Variants in ACTR3B observed in about 807,000 individuals in gnomAD.
The protein encoded by ACTR3B is actin-related protein 3B.
ACTR3B carries 8 observed loss-of-function variants against 59.0 expected under a neutral mutation model. That is an observed-to-expected ratio of 0.14 (90% CI 0.08 to 0.24). The LOEUF (loss-of-function observed/expected upper bound fraction) is 0.24. Ranked by LOEUF, ACTR3B falls within the 10% of genes least tolerant of loss-of-function variation. The probability of loss-of-function intolerance (pLI) is 1.00; values close to 1 mark genes in which losing one functional copy is unlikely to be tolerated. For missense variants in ACTR3B, 245 were observed against 552.3 expected, an observed-to-expected ratio of 0.44 and a Z score of 5.58; for synonymous variants, 148 against 197.9, an observed-to-expected ratio of 0.75 and a Z score of 2.12.
At position 152,853,508 on chromosome 7, in the gene ACTR3B, G is replaced by A; in HGVS notation, c.1092G>A (p.Glu364=). ...TTCTCTTCCAGCCGAAGCCTGTGGA[G>A]GTCCAGGTGGTCACGCATCACATGC... ...SGGRIKPKPV[E]VQVVTHHMQR... The change falls in exon 11 of 12, where the codon GAG becomes GAA. Residue 364 remains glutamate (E), a synonymous_variant. Transcript: ENST00000256001. 10 of 1,613,998 alleles carry A rather than the reference G, an allele frequency of 6.2e-6. No individual in the cohort carries two copies. The highest frequency in any genetic ancestry group is 8.5e-6 in the Non-Finnish European group (10 of 1,179,960).
Position 152,828,197 on chromosome 7 carries a change from T to C in ACTR3B, c.951+3075T>C, listed in dbSNP as rs187846949. On this transcript the variant is annotated intron_variant, in intron 9 of 11. Coordinates refer to ENST00000256001, the MANE Select transcript of ACTR3B (RefSeq NM_020445.6). ...CTGCGGACCCTCTTCAGGCGGGGCA[T>C]GTTGAGGCGTGGCCTTTGCTAGTTC... 2.8e-3 allele frequency among the ~76,000 whole-genome samples: 433 copies of C among 152,218 alleles called. 2 individuals carry two copies. The highest frequency in any genetic ancestry group is 9.5e-3 in the African/African-American group (393 of 41,506).
At chr7:152,825,424 G>T (rs1796491764) in intron 9 of ACTR3B, among the ~76,000 whole-genome samples, 1 of 152,056 alleles carries the variant, frequency 6.6e-6, no homozygotes, top group South Asian at 2.1e-4. Context: ...CAATTCTCCT[G>T]CCTCAGCCTC....
At chr7:152,848,952 A>T (rs930072960) in intron 9 of ACTR3B, among the ~76,000 whole-genome samples, 2 of 152,164 alleles carry the variant, frequency 1.3e-5, no homozygotes, top group African/African-American at 4.8e-5. Flanking sequence ...ATTATTCATG[A>T]TGCTGATCCT....
At chr7:152,829,440 CAG>C (rs1202761906) in intron 9 of ACTR3B, among the ~76,000 whole-genome samples, 1 of 152,212 alleles carries the variant, frequency 6.6e-6, no homozygotes, top group African/African-American at 2.4e-5. Context: ...ACAAGCAAAA[CAG>C]TTTTTTTAGA....
At chr7:152,843,967 A>G (rs1220208859) in intron 9 of ACTR3B, among the ~76,000 whole-genome samples, 2 of 152,242 alleles carry the variant, frequency 1.3e-5, no homozygotes, top group Non-Finnish European at 2.9e-5. Context: ...CATGCAAACG[A>G]TAAATAAAAA....
rs1279711713 is a variant in ACTR3B, at chr7:152,824,665, T to C, written c.859-365T>C. ...TACTAATTTTCTCATAATACGAATA[T>C]TGTCAAATGATATGTCAAAGTCATG... On this transcript the variant is annotated intron_variant, in intron 8 of 11. Coordinates refer to ENST00000256001, the MANE Select transcript of ACTR3B (RefSeq NM_020445.6). This position sits in a 1 kb window ranked among gnomAD's most constrained non-coding sequence, Gnocchi z 4.2. Among the ~76,000 whole-genome samples, 1 of 152,244 alleles carries C rather than the reference T, an allele frequency of 6.6e-6. No individual in the cohort carries two copies. The highest frequency in any genetic ancestry group is 2.4e-5 in the African/African-American group (1 of 41,468).
intron 1 of ACTR3B, among the ~76,000 whole-genome samples, chr7:152,761,993 C>G (rs1191241464): frequency 1.3e-5 from 2 of 152,110 alleles, no homozygotes; most frequent in Non-Finnish European, 2.9e-5. Flanking sequence ...CATCAGAAAT[C>G]AAGAGAAATA....
chr7:152,803,138 T>A (rs2098242002), intron 4 of ACTR3B, among the ~76,000 whole-genome samples: 1 of 152,238 alleles, frequency 6.6e-6, no homozygotes, highest in Admixed American at 6.5e-5. Context: ...CCTCGGACTC[T>A]GGGCTCAGTT....
chr7:152,763,668 C>T (rs1260414545), intron 1 of ACTR3B, among the ~76,000 whole-genome samples: 1 of 152,176 alleles, frequency 6.6e-6, no homozygotes, highest in Non-Finnish European at 1.5e-5. Context: ...AAGCAATCCA[C>T]CCGCCTTGGC....
chr7:152,845,601 G>A (rs1010710848), intron 9 of ACTR3B, among the ~76,000 whole-genome samples: 8 of 152,228 alleles, frequency 5.3e-5, no homozygotes, highest in East Asian at 1.9e-4. Context: ...TTTGGCCTCC[G>A]CCTGTTGCTG....
Position 152,824,906 on chromosome 7 carries a change from C to A in ACTR3B, c.859-124C>A. 1 of 1,116,158 alleles carries A rather than the reference C, an allele frequency of 9.0e-7. No individual in the cohort carries two copies. Among genetic ancestry groups the A allele is most frequent in the Non-Finnish European group, 1.2e-6 (1 of 803,326 alleles). The allele number at this position is 1,116,158 out of a possible 1,614,324, so 69.1% of individuals were successfully genotyped here. The stretch of plus-strand genomic sequence containing the variant: ...GGATTCATTTGACATATCCTTCATT[C>A]CAATGTGAATTCTTTTAAGTTATAA... On this transcript the variant is annotated intron_variant, in intron 8 of 11. Transcript: ENST00000256001. This position sits in a 1 kb window ranked among gnomAD's most constrained non-coding sequence, Gnocchi z 4.2.
At chr7:152,790,811 A>G (rs1167041102) in intron 2 of ACTR3B, among the ~76,000 whole-genome samples, 1 of 152,098 alleles carries the variant, frequency 6.6e-6, no homozygotes, top group East Asian at 1.9e-4. Context: ...GTGTCTCTCA[A>G]CTGTTGTAGC....
chr7:152,784,612 A>G (rs1220325952), intron 2 of ACTR3B, among the ~76,000 whole-genome samples: 1 of 152,212 alleles, frequency 6.6e-6, no homozygotes, highest in Non-Finnish European at 1.5e-5. Context: ...CCATAACAAA[A>G]TACTAAAGAC....
rs928835748 is a variant in ACTR3B at position 152,783,568 on chromosome 7, A to G, written c.100+326A>G. ...GTCTGTTAGCTTAGTAACTTAATGG[A>G]CTGAATATCTCTTGTACTACACTAT... is the stretch of plus-strand genomic sequence containing the variant. On this transcript the variant is annotated intron_variant, in intron 2 of 11. Transcript: ENST00000256001. 6.6e-5 allele frequency among the ~76,000 whole-genome samples: 10 copies of G among 151,930 alleles called. No individual in the cohort carries two copies. The South Asian group carries it at 1.3e-3, about 19-fold the overall frequency.
intron 1 of ACTR3B, among the ~76,000 whole-genome samples, chr7:152,771,553 G>A (rs1432492627): frequency 6.6e-6 from 1 of 152,220 alleles, no homozygotes; most frequent in Non-Finnish European, 1.5e-5. Flanking sequence ...TGATTAGAGA[G>A]AAGATTGAAG....
chr7:152,793,773 G>A (rs2098205856), intron 2 of ACTR3B, among the ~76,000 whole-genome samples: 1 of 151,628 alleles, frequency 6.6e-6, no homozygotes. Context: ...GATACTTTGG[G>A]TATTATGTTA....
chr7:152,854,647 C>T lies in ACTR3B; in HGVS notation c.*94C>T, dbSNP rs902041574. The T allele has an allele frequency of 2.9e-5, 39 of 1,328,774 alleles. No homozygotes were observed. The highest frequency in any genetic ancestry group is 2.5e-4 in the Middle Eastern group (1 of 3,948). The allele number at this position is 1,328,774 out of a possible 1,614,324, so 82.3% of individuals were successfully genotyped here. A position where few individuals can be genotyped will look rare whatever the true frequency, so the allele number is the denominator to read the frequency against. On this transcript the variant is annotated 3_prime_UTR_variant, in exon 12 of 12. Coordinates refer to ENST00000256001, the MANE Select transcript of ACTR3B (RefSeq NM_020445.6). This position sits in a 1 kb window ranked among gnomAD's most constrained non-coding sequence, Gnocchi z 4.9. The stretch of plus-strand genomic sequence containing the variant: ...GCCGCCGTTCTGTAAATAGCGACGT[C>T]GGTGTTGCTGCCCAGCAGCGTGCTT...
intron 1 of ACTR3B, among the ~76,000 whole-genome samples, chr7:152,770,225 A>G (rs1309494503): frequency 2.0e-5 from 3 of 152,144 alleles, no homozygotes; most frequent in African/African-American, 7.2e-5. Context: ...TAAAATTCAT[A>G]TCACATTTTA....
At chr7:152,829,718 T>G (rs1381304341) in intron 9 of ACTR3B, among the ~76,000 whole-genome samples, 2 of 152,070 alleles carry the variant, frequency 1.3e-5, no homozygotes, top group Admixed American at 6.5e-5. Context: ...GACACCTGGA[T>G]GGTAAAAGCT....
Sources: allele counts gnomAD v4.1 joint callset (sites outside exome capture counted in the v4.1 genomes callset), GRCh38; gene constraint gnomAD v4.1.1; non-coding constraint Gnocchi (gnomAD v3.1); transcripts MANE v1.5; gene names NCBI Gene and HGNC (gene_info 2026-07-23, HGNC 2026-07-21).